The following XIAP variants were observed in gnomAD, a reference collection of about 807,000 sequenced individuals.
The protein encoded by XIAP is X-linked inhibitor of apoptosis, also known as E3 ubiquitin-protein ligase XIAP.
Under a neutral mutation model 33.1 loss-of-function variants are expected in XIAP, and 3 were observed. The observed-to-expected ratio is 0.09, with a 90% CI of 0.04 to 0.23. XIAP has a LOEUF of 0.23. XIAP is among the 10% of genes least tolerant of loss of function. XIAP has a pLI of 1.00. For missense variants in XIAP, 264 were observed against 363.0 expected, an observed-to-expected ratio of 0.73 and a Z score of 2.22; for synonymous variants, 98 against 121.3, an observed-to-expected ratio of 0.81 and a Z score of 1.26.
Position 123,888,498 on chromosome X carries a change from C to T in XIAP, c.878-121C>T, listed in dbSNP as rs541814659. ...GTTACTTAGATGTGAATTTGAATGT[C>T]TTGTTTTAAGCTGTGAGATTTTCAT... On this transcript the variant is annotated intron_variant, in intron 2 of 6. Coordinates refer to ENST00000371199, the MANE Select transcript of XIAP (RefSeq NM_001167.4). The T allele has an allele frequency of 7.3e-5, 45 of 613,236 alleles. No homozygotes were observed. The South Asian group carries it at 8.5e-4, about 12-fold the overall frequency. 50.5% of individuals were successfully genotyped at this position (613,236 alleles called of 1,213,427 possible). A position where few individuals can be genotyped will look rare whatever the true frequency, so the allele number is the denominator to read the frequency against.
chrX:123,901,855 C>T (rs951549402), intron 6 of XIAP, among the ~76,000 whole-genome samples: 5 of 110,548 alleles, frequency 4.5e-5, no homozygotes, highest in East Asian at 5.7e-4. Context: ...TGTTTTAAGA[C>T]GGAGTCTCAC....
chrX:123,861,396 G>GTATTTAACATGCT (rs1486946204), intron 1 of XIAP, among the ~76,000 whole-genome samples: 1 of 111,414 alleles, frequency 9.0e-6, no homozygotes, highest in African/African-American at 3.3e-5. Flanking sequence ...GTATTTCAAT[G>GTATTTAACATGCT]TATTTAACAT....
chrX:123,898,847 G>A (rs1163672109), intron 5 of XIAP, among the ~76,000 whole-genome samples: 2 of 104,694 alleles, frequency 1.9e-5, no homozygotes, highest in East Asian at 6.2e-4. Flanking sequence ...GTAGCCGGGC[G>A]CAGTGGCTCA....
At chrX:123,903,741 A>G (rs1277917143) in intron 6 of XIAP, among the ~76,000 whole-genome samples, 1 of 106,301 alleles carries the variant, frequency 9.4e-6, no homozygotes, top group Non-Finnish European at 1.9e-5. Flanking sequence ...GTACATTTAC[A>G]TTGTTGCACA....
chrX:123,861,537 C>T (rs2053078696), intron 1 of XIAP, among the ~76,000 whole-genome samples: 1 of 110,959 alleles, frequency 9.0e-6, no homozygotes, highest in Non-Finnish European at 1.9e-5. Context: ...GAAGGATACA[C>T]AATAAAAATG....
intron 1 of XIAP, chrX:123,873,070 T>A (rs1192407933): frequency 9.2e-6 from 1 of 108,721 alleles, no homozygotes; most frequent in Non-Finnish European, 1.9e-5. Context: ...TCGCTGTTGT[T>A]GCCCAGGCTG....
chrX:123,881,818 G>C (rs914967939), intron 1 of XIAP, among the ~76,000 whole-genome samples: 6 of 106,590 alleles, frequency 5.6e-5, no homozygotes, highest in African/African-American at 1.7e-4. Context: ...TGCAGTGGCA[G>C]TCTTGGCTCA....
In XIAP at chrX:123,913,778, A is replaced by T. The variant is rs770849636; in HGVS notation, c.*6597A>T. On this transcript the variant is annotated 3_prime_UTR_variant, in exon 7 of 7. Coordinates refer to ENST00000371199, the MANE Select transcript of XIAP (RefSeq NM_001167.4). ...CTGATCTAATTGTATTAGTATTGTGAATAATCATGTGAAATGTTTTGAGAC... is the reference window on the plus strand; with the variant it reads ...CTGATCTAATTGTATTAGTATTGTGTATAATCATGTGAAATGTTTTGAGAC... The T allele has an allele frequency of 2.8e-5, 9 of 325,926 alleles. No homozygotes were observed. Among genetic ancestry groups the T allele is most frequent in the Non-Finnish European group, 5.3e-5 (9 of 169,268 alleles). 26.9% of individuals were successfully genotyped at this position (325,926 alleles called of 1,213,427 possible).
chrX:123,900,503 C>A lies in XIAP; in HGVS notation c.1110C>A (p.Ile370=), dbSNP rs747476925. The A allele has an allele frequency of 5.0e-6, 6 of 1,206,341 alleles. No homozygotes were observed. Among genetic ancestry groups the A allele is most frequent in the African/African-American group, 3.5e-5 (2 of 57,102 alleles). The stretch of plus-strand genomic sequence containing the variant: ...CAATTTTTATTTCAGATGATACCAT[C>A]TTCCAAAATCCTATGGTACAAGAAG... The part of the protein sequence containing the change: ...PSLTRRIDDT[I]FQNPMVQEAI... Residue 370 remains isoleucine, a synonymous_variant, in exon 6 of 7, where the codon ATC becomes ATA. Transcript: ENST00000371199.
chrX:123,873,784 A>G (rs937545723), intron 1 of XIAP: 7 of 99,715 alleles, frequency 7.0e-5, no homozygotes, highest in African/African-American at 2.6e-4. Flanking sequence ...AAAAAAAAAA[A>G]TTAGCTGGGC....
chrX:123,864,635 AGTGTGTGTGTGTGTGTGT>A (rs748255094), intron 1 of XIAP, among the ~76,000 whole-genome samples: 2,435 of 84,630 alleles, frequency 0.029, 43 homozygotes, highest in Middle Eastern at 0.044. Flanking sequence ...CCCGGCTTAG[AGTGTGTGTGTGTGTGTGT>A]GTGTGTGTGT....
chrX:123,903,180 ATTTTTT>A (rs56868819), intron 6 of XIAP, among the ~76,000 whole-genome samples: 4 of 65,255 alleles, frequency 6.1e-5, no homozygotes, highest in East Asian at 4.5e-4. Flanking sequence ...TTATTTTATA[ATTTTTT>A]TTTTTTTTTT....
At chrX:123,860,521 C>T (rs2053069773) in intron 1 of XIAP, 2 of 253,800 alleles carry the variant, frequency 7.9e-6, no homozygotes, top group South Asian at 3.5e-5. Flanking sequence ...GCAGGATTGC[C>T]TTCCTAAACC....
At chrX:123,906,139 G>T (rs2053554185) in intron 6 of XIAP, among the ~76,000 whole-genome samples, 2 of 112,561 alleles carry the variant, frequency 1.8e-5, no homozygotes, top group Admixed American at 1.9e-4. Context: ...TGTCATTATT[G>T]TTATATGTGA....
At chrX:123,897,600 T>TCACC (rs1388529954) in intron 5 of XIAP, among the ~76,000 whole-genome samples, 1 of 110,473 alleles carries the variant, frequency 9.1e-6, no homozygotes, top group African/African-American at 3.3e-5. Flanking sequence ...CCTCGCTCTG[T>TCACC]CACCCAGGCT....
intron 1 of XIAP, among the ~76,000 whole-genome samples, chrX:123,871,852 T>C (rs1432333442): frequency 7.3e-5 from 8 of 110,165 alleles, no homozygotes; most frequent in African/African-American, 2.3e-4. Flanking sequence ...CCTGTAATCC[T>C]AGCACTTTGG....
At chrX:123,883,798 T>C (rs1487024346) in intron 1 of XIAP, among the ~76,000 whole-genome samples, 1 of 111,398 alleles carries the variant, frequency 9.0e-6, no homozygotes, top group Non-Finnish European at 1.9e-5. Flanking sequence ...GCCCGGCTGT[T>C]TTTTTTAAGA....
At chrX:123,860,032 G>T (rs2053063578), upstream of XIAP, 1 of 320,837 alleles carries the variant, frequency 3.1e-6, no homozygotes. Flanking sequence ...GAGACTGACG[G>T]ACCGCGCCCG....
At chrX:123,898,721 C>G (rs1453014963) in intron 5 of XIAP, among the ~76,000 whole-genome samples, 1 of 107,467 alleles carries the variant, frequency 9.3e-6, no homozygotes, top group Non-Finnish European at 1.9e-5. Context: ...GTTTCAAACT[C>G]CAGGCCTCAA....
Sources: gnomAD v4.1 joint callset for allele counts (sites outside exome capture counted in the v4.1 genomes callset) on GRCh38, gnomAD v4.1.1 for gene constraint, MANE v1.5 for transcripts, NCBI Gene and HGNC (gene_info 2026-07-23, HGNC 2026-07-21) for gene names.